Variants in PHACTR2 observed in about 807,000 individuals in gnomAD.
PHACTR2 encodes phosphatase and actin regulator 2, also known as chromosome 6 open reading frame 56.
PHACTR2 carries 30 observed loss-of-function variants against 76.0 expected under a neutral mutation model. The observed-to-expected ratio is 0.39, with a 90% CI of 0.30 to 0.54. PHACTR2 has a LOEUF of 0.54. Ranked by LOEUF, PHACTR2 falls within the 20% of genes least tolerant of loss-of-function variation. The pLI is 0.61. For synonymous variants in PHACTR2, 292 were observed against 292.5 expected, an observed-to-expected ratio of 1.00 and a Z score of 0.02; for missense variants, 696 against 781.1, an observed-to-expected ratio of 0.89 and a Z score of 1.30.
rs540387372 is a variant in PHACTR2, at chr6:143,755,963, G to A, written c.454+2051G>A. Among the ~76,000 whole-genome samples the A allele has an allele frequency of 4.6e-5, 7 of 151,938 alleles. No homozygotes were observed. In the East Asian group the frequency reaches 5.9e-4, roughly 13 times the overall value. On this transcript the variant is annotated intron_variant, in intron 4 of 12. Transcript: ENST00000440869. The surrounding 1 kb of genome is among the most constrained non-coding windows in gnomAD (Gnocchi z 5.2). ...TCACTGCTTGTGTGAGCTCACTGCC[G>A]TGCAAACCCCACCATCCCATGATCT...
rs1775079273 is a variant in PHACTR2 at position 143,550,327 on chromosome 6, G to C, written c.217+13120G>C. ...ACCACACTTCAAGGGAAGCAAGTCT[G>C]TATGGAGAGCTTTTAATGGGCCTGT... On this transcript the variant is annotated intron_variant, in intron 1 of 11. Coordinates refer to the PHACTR2 transcript ENST00000367584. This position sits in a 1 kb window ranked among gnomAD's most constrained non-coding sequence, Gnocchi z 4.8. Among the ~76,000 whole-genome samples, 3 of 151,992 alleles carry C rather than the reference G, an allele frequency of 2.0e-5. No homozygotes were observed. The highest frequency in any genetic ancestry group is 1.3e-4 in the Admixed American group (2 of 15,262).
At chr6:143,713,290 T>C (rs370254981) in intron 2 of PHACTR2, among the ~76,000 whole-genome samples, 4 of 152,294 alleles carry the variant, frequency 2.6e-5, no homozygotes, top group African/African-American at 9.6e-5. Context: ...GAAATAATGA[T>C]AGGCTACCTG....
Position 143,754,212 on chromosome 6 carries a change from TAGG to T in PHACTR2, c.454+303_454+305del. ...GATGTCTGGGAAGATTATCCTTTCTTAGGAGCTTTGTCTCAGGATCATAATGAA... is the reference window on the plus strand; with the variant it reads ...GATGTCTGGGAAGATTATCCTTTCTTAGCTTTGTCTCAGGATCATAATGAA... On this transcript the variant is annotated intron_variant, in intron 4 of 12. Coordinates refer to ENST00000440869, the MANE Select transcript of PHACTR2 (RefSeq NM_001100164.2). The surrounding 1 kb of genome is among the most constrained non-coding windows in gnomAD (Gnocchi z 6.2). 1 of 187,708 alleles carries T rather than the reference TAGG, an allele frequency of 5.3e-6. No homozygotes were observed. Among genetic ancestry groups the T allele is most frequent in the African/African-American group, 2.4e-5 (1 of 42,512 alleles). 11.6% of individuals were successfully genotyped at this position (187,708 alleles called of 1,614,324 possible). A position where few individuals can be genotyped will look rare whatever the true frequency, so the allele number is the denominator to read the frequency against.
At chr6:143,770,439 G>A (rs557931815) in intron 6 of PHACTR2, among the ~76,000 whole-genome samples, 16 of 152,244 alleles carry the variant, frequency 1.1e-4, no homozygotes, top group East Asian at 3.9e-4. Flanking sequence ...GTAGTTACAC[G>A]GTAATGTGAA....
At chr6:143,792,387 T>G (rs1226204469) in intron 11 of PHACTR2, among the ~76,000 whole-genome samples, 2 of 152,074 alleles carry the variant, frequency 1.3e-5, no homozygotes, top group Non-Finnish European at 2.9e-5. Context: ...ATTATGAACT[T>G]GGTGCAAGGT....
intron 1 of PHACTR2, among the ~76,000 whole-genome samples, chr6:143,632,770 TC>T (rs1024673903): frequency 5.3e-5 from 8 of 152,222 alleles, no homozygotes; most frequent in African/African-American, 1.9e-4. Flanking sequence ...TCATCCCTTT[TC>T]CCCCCTAAAT....
intron 5 of PHACTR2, among the ~76,000 whole-genome samples, chr6:143,763,283 C>T (rs1207910124): frequency 2.6e-5 from 4 of 151,848 alleles, no homozygotes; most frequent in Admixed American, 6.6e-5. Context: ...CACTTGAACC[C>T]GGGAGGCAGA....
chr6:143,622,325 G>A lies in PHACTR2; in HGVS notation c.13+14003G>A, dbSNP rs537110182. Among the ~76,000 whole-genome samples the A allele has an allele frequency of 9.9e-5, 15 of 152,270 alleles. No homozygotes were observed. The East Asian group carries it at 2.1e-3, about 22-fold the overall frequency. On this transcript the variant is annotated intron_variant, in intron 1 of 11. Coordinates refer to the PHACTR2 transcript ENST00000305766. ...TCTGGTCATGTAGTCCTAGGTCCCA[G>A]CTCCCCAGACTCTTCCTCTCATCCC...
intron 6 of PHACTR2, among the ~76,000 whole-genome samples, chr6:143,768,734 C>G (rs1237067134): frequency 6.6e-6 from 1 of 152,158 alleles, no homozygotes; most frequent in Non-Finnish European, 1.5e-5. Flanking sequence ...GGACTATAAT[C>G]AGAGGGAGTG....
In PHACTR2 at chr6:143,618,255, A is replaced by AC. The variant is rs1333423585; in HGVS notation, c.13+9933_13+9934insC. ...TGTTCCACCTTGTACTTCCTGCTCC[A>AC]AACACACACACACACACACACACAC... On this transcript the variant is annotated intron_variant, in intron 1 of 11. Coordinates refer to the PHACTR2 transcript ENST00000305766. The surrounding 1 kb of genome is among the most constrained non-coding windows in gnomAD (Gnocchi z 5.2). 2.2e-4 allele frequency among the ~76,000 whole-genome samples: 23 copies of AC among 103,838 alleles called. No homozygotes were observed. In the East Asian group the frequency reaches 4.1e-3, roughly 19 times the overall value. The allele number at this position is 103,838 out of a possible 152,430, so 68.1% of individuals were successfully genotyped here.
At chr6:143,718,274 TC>T (rs1778346343) in intron 2 of PHACTR2, among the ~76,000 whole-genome samples, 9 of 152,324 alleles carry the variant, frequency 5.9e-5, no homozygotes, top group Admixed American at 1.3e-4. Context: ...TCATATTAAC[TC>T]ACTAAATCAT....
intron 1 of PHACTR2, among the ~76,000 whole-genome samples, chr6:143,613,227 G>A (rs1445413831): frequency 1.3e-5 from 2 of 152,200 alleles, no homozygotes; most frequent in African/African-American, 4.8e-5. Flanking sequence ...CACCCGCCTC[G>A]GCCTCCCGAA....
At chr6:143,694,150 G>A (rs911821724) in intron 1 of PHACTR2, among the ~76,000 whole-genome samples, 1 of 144,014 alleles carries the variant, frequency 6.9e-6, no homozygotes, top group Admixed American at 7.0e-5. Context: ...AGGAAGGAAG[G>A]CCTGCGACAG....
chr6:143,618,619 G>T lies in PHACTR2; in HGVS notation c.13+10297G>T, dbSNP rs1776098549. On this transcript the variant is annotated intron_variant, in intron 1 of 11. Transcript: ENST00000305766. This position sits in a 1 kb window ranked among gnomAD's most constrained non-coding sequence, Gnocchi z 5.2. The stretch of plus-strand genomic sequence containing the variant: ...GGCAGGGGAGGCTGGGGGGGGATAG[G>T]GGTTGAATGTTTCCCTAACTGCCCC... Among the ~76,000 whole-genome samples, 1 of 151,838 alleles carries T rather than the reference G, an allele frequency of 6.6e-6. No homozygotes were observed. Among genetic ancestry groups the T allele is most frequent in the African/African-American group, 2.4e-5 (1 of 41,310 alleles).
At chr6:143,717,869 G>A (rs1778338114) in intron 2 of PHACTR2, among the ~76,000 whole-genome samples, 1 of 152,056 alleles carries the variant, frequency 6.6e-6, no homozygotes, top group South Asian at 2.1e-4. Context: ...ATCATACCCT[G>A]CCTATGCTTT....
intron 2 of PHACTR2, among the ~76,000 whole-genome samples, chr6:143,737,628 T>A (rs1163164007): frequency 6.6e-6 from 1 of 152,236 alleles, no homozygotes; most frequent in Non-Finnish European, 1.5e-5. Flanking sequence ...AATGTCTAAG[T>A]ACAAACTTAG....
chr6:143,564,326 C>T (rs1035987081), intron 1 of PHACTR2, among the ~76,000 whole-genome samples: 1 of 148,198 alleles, frequency 6.7e-6, no homozygotes, highest in Non-Finnish European at 1.5e-5. Context: ...ATAAGTTGGC[C>T]AGGTGCAGTG....
At chr6:143,686,702 G>A (rs1184266500) in intron 1 of PHACTR2, among the ~76,000 whole-genome samples, 8 of 152,070 alleles carry the variant, frequency 5.3e-5, no homozygotes, top group Admixed American at 3.9e-4. Flanking sequence ...GGCCAGGCTC[G>A]TCTCGAACTC....
In PHACTR2 at chr6:143,733,593, G is replaced by A. The variant is rs1458388024; in HGVS notation, c.215-15392G>A. ...ATACCACTGAGAGTTGCTTAAAACA[G>A]CCTCAAGAAACCCTGAAAAGCCATA... is the stretch of plus-strand genomic sequence containing the variant. On this transcript the variant is annotated intron_variant, in intron 2 of 12. Transcript: ENST00000440869. This position sits in a 1 kb window ranked among gnomAD's most constrained non-coding sequence, Gnocchi z 4.0. 6.6e-6 allele frequency among the ~76,000 whole-genome samples: 1 copy of A among 152,118 alleles called. No homozygotes were observed. Among genetic ancestry groups the A allele is most frequent in the Non-Finnish European group, 1.5e-5 (1 of 68,028 alleles).
Sources: allele counts gnomAD v4.1 joint callset (sites outside exome capture counted in the v4.1 genomes callset), GRCh38; gene constraint gnomAD v4.1.1; non-coding constraint Gnocchi (gnomAD v3.1); transcripts MANE v1.5; gene names NCBI Gene and HGNC (gene_info 2026-07-23, HGNC 2026-07-21).